DENND2B: variants seen among roughly 807,000 people sequenced by gnomAD.
DENND2B encodes the protein DENN domain containing 2B, also known as DENN domain-containing protein 2B.
A neutral mutation model predicts 116.0 loss-of-function variants in DENND2B; 32 were observed. The observed-to-expected ratio is 0.28, with a 90% CI of 0.21 to 0.37. DENND2B has a LOEUF of 0.37. Ranked by LOEUF, DENND2B falls within the 10% of genes least tolerant of loss-of-function variation. The probability of loss-of-function intolerance (pLI) is 1.00; values close to 1 mark genes in which losing one functional copy is unlikely to be tolerated. For missense variants in DENND2B, 1,276 were observed against 1,477.7 expected (o/e 0.86, Z 2.24); for synonymous variants, 588 against 583.9 (o/e 1.01, Z -0.10).
chr11:8,903,202 C>T (rs778082611), intron 1 of DENND2B, among the ~76,000 whole-genome samples: 20 of 151,908 alleles, frequency 1.3e-4, no homozygotes, highest in Non-Finnish European at 2.8e-4. Context: ...TTTTTTGAGA[C>T]AGAGTTTCAC....
rs2041823682 is a variant in DENND2B, at chr11:8,702,158, C to T, written c.2720+414G>A. Among the ~76,000 whole-genome samples, 1 of 152,166 alleles carries T rather than the reference C, an allele frequency of 6.6e-6. No homozygotes were observed. The highest frequency in any genetic ancestry group is 2.1e-4 in the South Asian group (1 of 4,820). ...ACACTGTCCCCGGTCAGTGCTCTTG[C>T]CCCTTCCTCACAGCAGCTCTTTCCT... is the stretch of plus-strand genomic sequence containing the variant. On this transcript the variant is annotated intron_variant, in intron 14 of 19. Transcript: ENST00000313726. This position sits in a 1 kb window ranked among gnomAD's most constrained non-coding sequence, Gnocchi z 4.6.
rs141686629 is a variant in DENND2B, at chr11:8,844,368, C to A, written c.-155-5018G>T. The stretch of plus-strand genomic sequence containing the variant: ...TGAGCCATGATTGCACCACTGTATT[C>A]CAGCCTGGGTGACAGAGCAGAACTC... On this transcript the variant is annotated intron_variant, in intron 3 of 6. Coordinates refer to the DENND2B transcript ENST00000524757. Among the ~76,000 whole-genome samples the A allele has an allele frequency of 2.0e-3, 299 of 152,254 alleles. 4 individuals carry two copies. The East Asian group carries it at 0.051, about 26-fold the overall frequency.
chr11:8,888,819 C>A (rs2063991421), intron 1 of DENND2B, among the ~76,000 whole-genome samples: 1 of 152,138 alleles, frequency 6.6e-6, no homozygotes, highest in Non-Finnish European at 1.5e-5. Context: ...TGAAAAGATG[C>A]TCAACATCAC....
exon 4 of DENND2B, chr11:8,839,311 T>C (rs2062543459): frequency 6.6e-6 from 1 of 152,228 alleles, no homozygotes; most frequent in East Asian, 1.9e-4. Flanking sequence ...AAAACCTACC[T>C]GAATTATCCA....
chr11:8,736,032 A>G (rs1380652373), intron 2 of DENND2B, among the ~76,000 whole-genome samples: 1 of 152,192 alleles, frequency 6.6e-6, no homozygotes, highest in African/African-American at 2.4e-5. Context: ...CTGCCTTCGG[A>G]TGCCACCATG....
chr11:8,701,344 C>CAGGGG (rs1491336392), intron 14 of DENND2B, among the ~76,000 whole-genome samples: 6 of 11,238 alleles, frequency 5.3e-4, no homozygotes, highest in Admixed American at 3.0e-3. Context: ...GGCCAGCTTC[C>CAGGGG]GGGGGGGGGG....
At chr11:8,800,792 C>T (rs2060247032) in intron 1 of DENND2B, among the ~76,000 whole-genome samples, 1 of 152,050 alleles carries the variant, frequency 6.6e-6, no homozygotes, top group Admixed American at 6.6e-5. Context: ...GTTCCTGTTC[C>T]CTGAAGTTGC....
chr11:8,804,019 G>C (rs1248979202), intron 1 of DENND2B, among the ~76,000 whole-genome samples: 2 of 152,262 alleles, frequency 1.3e-5, no homozygotes, highest in African/African-American at 4.8e-5. Context: ...GGGCAGGCGA[G>C]AAGCAGTTCT....
chr11:8,781,785 A>G (rs1055623494), intron 1 of DENND2B, among the ~76,000 whole-genome samples: 22 of 152,322 alleles, frequency 1.4e-4, no homozygotes, highest in African/African-American at 4.3e-4. Context: ...AACCCAACTG[A>G]AAAATAAGTA....
At chr11:8,742,995 C>T (rs796630757) in intron 2 of DENND2B, among the ~76,000 whole-genome samples, 8 of 151,892 alleles carry the variant, frequency 5.3e-5, no homozygotes, top group African/African-American at 1.5e-4. Context: ...ACCCGGGAGG[C>T]GGAGGTTGCA....
chr11:8,716,796 C>T (rs1017638085), intron 5 of DENND2B, among the ~76,000 whole-genome samples: 1 of 152,086 alleles, frequency 6.6e-6, no homozygotes, highest in African/African-American at 2.4e-5. Flanking sequence ...TACAGGCGTG[C>T]GCCATCATGC....
intron 3 of DENND2B, among the ~76,000 whole-genome samples, chr11:8,855,592 C>T (rs1334887320): frequency 6.6e-6 from 1 of 151,810 alleles, no homozygotes; most frequent in Non-Finnish European, 1.5e-5. Flanking sequence ...ACCCTGTATC[C>T]ACACAGTAGG....
intron 2 of DENND2B, among the ~76,000 whole-genome samples, chr11:8,746,380 G>A (rs1304489447): frequency 6.6e-6 from 1 of 152,210 alleles, no homozygotes; most frequent in Non-Finnish European, 1.5e-5. Context: ...TGGGCTTACA[G>A]GTTCCTCATT....
At chr11:8,835,085 A>T (rs764204082) in intron 4 of DENND2B, among the ~76,000 whole-genome samples, 5 of 152,238 alleles carry the variant, frequency 3.3e-5, no homozygotes, top group Non-Finnish European at 5.9e-5. Flanking sequence ...TCTCTACAAA[A>T]ATACAAAAAT....
At chr11:8,714,158 C>G in intron 7 of DENND2B, 116 bp from the exon 8 acceptor site, 1 of 1,079,938 alleles carries the variant, frequency 9.3e-7, no homozygotes, top group Non-Finnish European at 1.4e-6. Context: ...CTGGGCTACT[C>G]TGGGCCCATG....
At chr11:8,828,994 G>T (rs989314109) in intron 4 of DENND2B, among the ~76,000 whole-genome samples, 1 of 149,828 alleles carries the variant, frequency 6.7e-6, no homozygotes, top group Admixed American at 6.7e-5. Context: ...CATGTGTGTG[G>T]TGTGTGTGTA....
In DENND2B at chr11:8,727,179, G is replaced by A. The variant is rs1199941971; in HGVS notation, c.1341-970C>T. ...AGGGAAAGAAGGAAAGGCACTGACT[G>A]GATCCCTCCTCCCACCCATGAACAC... On this transcript the variant is annotated intron_variant, in intron 3 of 19. Transcript: ENST00000313726. 2.0e-5 allele frequency among the ~76,000 whole-genome samples: 3 copies of A among 152,170 alleles called. No homozygotes were observed. In the East Asian group the frequency reaches 5.8e-4, roughly 29 times the overall value.
chr11:8,767,253 T>C (rs1262067114), intron 1 of DENND2B, among the ~76,000 whole-genome samples: 1 of 152,004 alleles, frequency 6.6e-6, no homozygotes, highest in East Asian at 1.9e-4. Flanking sequence ...ACAGGAGAAA[T>C]GACGGAAGGA....
intron 2 of DENND2B, 111 bp downstream of exon 2, chr11:8,750,510 C>A: frequency 1.1e-6 from 1 of 911,536 alleles, no homozygotes; most frequent in Non-Finnish European, 1.8e-6. Context: ...TGGCCTAGAC[C>A]AGTCACCTGG....
Sources: gnomAD v4.1 joint callset for allele counts (sites outside exome capture counted in the v4.1 genomes callset) on GRCh38, gnomAD v4.1.1 for gene constraint, Gnocchi (gnomAD v3.1) non-coding constraint, MANE v1.5 for transcripts, NCBI Gene and HGNC (gene_info 2026-07-23, HGNC 2026-07-21) for gene names.